PCLO: variants seen among roughly 807,000 people sequenced by gnomAD.
PCLO encodes the protein protein piccolo.
Under a neutral mutation model 427.5 loss-of-function variants are expected in PCLO, and 82 were observed. The observed-to-expected ratio is 0.19, with a 90% CI of 0.16 to 0.23. PCLO has a LOEUF of 0.23. PCLO is among the 10% of genes least tolerant of loss of function. The pLI, the probability that PCLO is intolerant of heterozygous loss-of-function variation, is 1.00. For synonymous variants in PCLO, 2,357 were observed against 2,155.4 expected (o/e 1.09, Z -2.59); for missense variants, 6,239 against 6,115.9 (o/e 1.02, Z -0.67).
At chr7:82,821,912 T>A (rs1455700694) in intron 20 of PCLO, 1 of 985,530 alleles carries the variant, frequency 1.0e-6, no homozygotes, top group Admixed American at 6.1e-5. Context: ...TTTTTGCACA[T>A]GGAAAGCTAC....
At chr7:83,154,349 T>C (rs1248679199) in intron 2 of PCLO, among the ~76,000 whole-genome samples, 1 of 152,186 alleles carries the variant, frequency 6.6e-6, no homozygotes, top group Non-Finnish European at 1.5e-5. Flanking sequence ...TTTGAAAACA[T>C]TGTCCACTTT....
chr7:82,902,170 C>T (rs1794058780), intron 9 of PCLO, among the ~76,000 whole-genome samples: 1 of 151,808 alleles, frequency 6.6e-6, no homozygotes, highest in Admixed American at 6.6e-5. Context: ...AGACTTGGAA[C>T]CAAGCCAAAT....
intron 3 of PCLO, among the ~76,000 whole-genome samples, chr7:82,988,828 T>G (rs1796311564): frequency 6.6e-6 from 1 of 151,716 alleles, no homozygotes; most frequent in Non-Finnish European, 1.5e-5. Flanking sequence ...TATTTTTTAT[T>G]TTTTTATTTT....
chr7:82,950,467 T>C lies in PCLO; in HGVS notation c.10121A>G (p.Tyr3374Cys). ...AIEIPQSQGW[Y>C]TVQSDGVTQY... ...AGTAACACCATCAGACTGAACGGTGTACCATCCTTGGCTTTGTGGTATTTC... is the reference window on the plus strand; with the variant it reads ...AGTAACACCATCAGACTGAACGGTGCACCATCCTTGGCTTTGTGGTATTTC... The change falls in exon 6 of 25, where the codon TAC becomes TGC. Residue 3374 changes from tyrosine (Y) to cysteine (C), a missense_variant. Coordinates refer to ENST00000333891, the MANE Select transcript of PCLO (RefSeq NM_033026.6). 1.9e-6 allele frequency: 3 copies of C among 1,613,784 alleles called. No individual in the cohort carries two copies. The highest frequency in any genetic ancestry group is 2.5e-6 in the Non-Finnish European group (3 of 1,179,828).
At position 82,915,643 on chromosome 7, in the gene PCLO, T is replaced by G. The variant is rs748442318; in HGVS notation, c.12343A>C (p.Met4115Leu). 1 of 1,613,494 alleles carries G rather than the reference T, an allele frequency of 6.2e-7. No homozygotes were observed. The highest frequency in any genetic ancestry group is 2.2e-5 in the East Asian group (1 of 44,748). ...AGCTTTAACTCGTAAGGATCCTCCA[T>G]TGGGTCTTCCTCCGCCTTCACATAA... is the stretch of plus-strand genomic sequence containing the variant. The part of the protein sequence containing the change: ...HSYVKAEEDP[M>L]EDPYELKLLK... Residue 4115 changes from methionine to leucine, a missense_variant, in exon 7 of 25, where the codon ATG becomes CTG. Met to Leu is a conservative substitution (Grantham distance 15, BLOSUM62 2). This residue lies in a region of PCLO where 680 missense variants were observed against 677.3 expected (regional missense o/e 1.00). Coordinates refer to ENST00000333891, the MANE Select transcript of PCLO (RefSeq NM_033026.6).
chr7:83,116,861 T>C (rs1349355287), intron 3 of PCLO, among the ~76,000 whole-genome samples: 1 of 151,874 alleles, frequency 6.6e-6, no homozygotes, highest in Non-Finnish European at 1.5e-5. Context: ...AAATTACACA[T>C]GAGGGAGGTA....
intron 4 of PCLO, among the ~76,000 whole-genome samples, chr7:82,959,258 G>A (rs1795602409): frequency 6.6e-6 from 1 of 152,030 alleles, no homozygotes; most frequent in African/African-American, 2.4e-5. Flanking sequence ...GTAGAGACGG[G>A]TTTCACCATG....
chr7:82,919,794 G>A (rs1357085542), intron 6 of PCLO, among the ~76,000 whole-genome samples: 2 of 151,900 alleles, frequency 1.3e-5, no homozygotes, highest in African/African-American at 4.8e-5. Flanking sequence ...TTCCTCCACA[G>A]CATAAATTTT....
chr7:82,933,290 A>AT (rs1481233809), intron 6 of PCLO, among the ~76,000 whole-genome samples: 2 of 152,040 alleles, frequency 1.3e-5, no homozygotes, highest in Admixed American at 6.6e-5. Flanking sequence ...GTGCTTCAAG[A>AT]TTTTAGTTGA....
chr7:82,766,621 C>G (rs185871099), intron 22 of PCLO, among the ~76,000 whole-genome samples: 3 of 152,102 alleles, frequency 2.0e-5, no homozygotes, highest in African/African-American at 7.2e-5. Flanking sequence ...CACTAATGAT[C>G]ATGATGAAAT....
chr7:83,114,396 G>A (rs971412163), intron 3 of PCLO, among the ~76,000 whole-genome samples: 2 of 152,102 alleles, frequency 1.3e-5, no homozygotes, highest in African/African-American at 4.8e-5. Context: ...TGGGGGTAGT[G>A]AAGAGCATTT....
chr7:82,825,532 T>C (rs2115669163), intron 18 of PCLO, among the ~76,000 whole-genome samples: 2 of 151,678 alleles, frequency 1.3e-5, no homozygotes. Flanking sequence ...TCGTATTTTG[T>C]AGGTTTTGGA....
chr7:83,083,962 G>T (rs1790167975), intron 3 of PCLO, among the ~76,000 whole-genome samples: 1 of 152,102 alleles, frequency 6.6e-6, no homozygotes, highest in Non-Finnish European at 1.5e-5. Context: ...AAGAGACTGG[G>T]TTGACAAGAG....
rs1161030427 is a variant in PCLO at position 83,037,989 on chromosome 7, TTA to T, written c.3301-71504_3301-71503del. 3.9e-3 allele frequency among the ~76,000 whole-genome samples: 53 copies of T among 13,592 alleles called. 1 individual carries two copies. The highest frequency in any genetic ancestry group is 9.6e-3 in the East Asian group (1 of 104). The allele number at this position is 13,592 out of a possible 152,430, so 8.9% of individuals were successfully genotyped here. A position where few individuals can be genotyped will look rare whatever the true frequency, so the allele number is the denominator to read the frequency against. ...GTTGTGTGGAGGTGTAAGGAGGAGC[TTA>T]TATATATATATATATATATATATAT... On this transcript the variant is annotated intron_variant, in intron 3 of 24. Coordinates refer to ENST00000333891, the MANE Select transcript of PCLO (RefSeq NM_033026.6).
chr7:82,979,580 C>A (rs1322717469), intron 3 of PCLO, among the ~76,000 whole-genome samples: 10 of 152,188 alleles, frequency 6.6e-5, no homozygotes, highest in African/African-American at 2.4e-4. Context: ...AGAATCCAAT[C>A]TTTCACTCAG....
At chr7:82,801,204 A>ATTTTTTTTTTTTTTTTTTTTTTTT (rs1554334212) in intron 22 of PCLO, among the ~76,000 whole-genome samples, 1 of 143,894 alleles carries the variant, frequency 6.9e-6, no homozygotes, top group Admixed American at 7.2e-5. Context: ...TATATGTTAT[A>ATTTTTTTTTTTTTTTTTTTTTTTT]TTTTTAAGTT....
rs376658400 is a variant in PCLO, at chr7:82,950,935, C to T, written c.9653G>A (p.Arg3218His). ...AATTTTCTCCAGTTCCAGGAGCTCA[C>T]GCTCCAAGTCTAGCTGCTGCTGTTG... Reference protein sequence around the residue: ...DKQQQQLDLERELLELEKIKQ... With the variant: ...DKQQQQLDLEHELLELEKIKQ... The change falls in exon 6 of 25, where the codon CGT becomes CAT. Residue 3218 changes from arginine (R) to histidine (H), a missense_variant. By Grantham distance (29) the Arg-to-His change is conservative. This residue lies in a region of PCLO where 4,677 missense variants were observed against 4,468.4 expected (regional missense o/e 1.05). Transcript: ENST00000333891. The T allele has an allele frequency of 8.1e-6, 13 of 1,613,142 alleles. No individual in the cohort carries two copies. Among genetic ancestry groups the T allele is most frequent in the Admixed American group, 6.7e-5 (4 of 59,998 alleles).
At chr7:82,760,498 TG>T in intron 24 of PCLO, 140 bp downstream of exon 24, 1 of 486,614 alleles carries the variant, frequency 2.1e-6, no homozygotes, top group Non-Finnish European at 3.5e-6. Flanking sequence ...AAAAGATTCC[TG>T]GGGAGATACT....
chr7:83,115,422 A>C (rs1413838883), intron 3 of PCLO, among the ~76,000 whole-genome samples: 1 of 152,104 alleles, frequency 6.6e-6, no homozygotes, highest in Non-Finnish European at 1.5e-5. Context: ...TCTAAATAAT[A>C]TAAGTCTAAT....
Sources: gnomAD v4.1 joint callset for allele counts (sites outside exome capture counted in the v4.1 genomes callset) on GRCh38, gnomAD v4.1.1 for gene constraint, gnomAD v4.1.1 regional missense constraint, MANE v1.5 for transcripts, NCBI Gene and HGNC (gene_info 2026-07-23, HGNC 2026-07-21) for gene names.